Variants in BRCC3 observed in about 807,000 individuals in gnomAD.
BRCC3 encodes BRCA1/BRCA2-containing complex subunit 3.
A neutral mutation model predicts 28.0 loss-of-function variants in BRCC3; 15 were observed. The observed-to-expected ratio is 0.54, with a 90% CI of 0.36 to 0.82. BRCC3 has a LOEUF of 0.82. BRCC3 is among the 40% of genes least tolerant of loss of function. BRCC3 has a pLI of 0.01. For missense variants in BRCC3, 109 were observed against 225.9 expected (o/e 0.48, Z 3.32); for synonymous variants, 66 against 80.3 (o/e 0.82, Z 0.95).
intron 7 of BRCC3, among the ~76,000 whole-genome samples, chrX:155,101,108 A>G (rs1490976617): frequency 9.0e-6 from 1 of 110,776 alleles, no homozygotes; most frequent in Non-Finnish European, 1.9e-5. Context: ...CATGTTGCCC[A>G]GGCTGGTCTC....
At chrX:155,074,712 G>T (rs1254246832) in intron 3 of BRCC3, among the ~76,000 whole-genome samples, 1 of 112,204 alleles carries the variant, frequency 8.9e-6, no homozygotes, top group African/African-American at 3.2e-5. Context: ...TGAGTTTTAT[G>T]TCAGTTTGTA....
intron 7 of BRCC3, chrX:155,099,524 A>G (rs1399857716): frequency 2.2e-6 from 2 of 900,705 alleles, no homozygotes; most frequent in Non-Finnish European, 1.5e-6. Context: ...TAAGCTGCCA[A>G]GGAGACTAGG....
At chrX:155,109,699 T>C (rs782004710) in intron 7 of BRCC3, among the ~76,000 whole-genome samples, 5 of 111,853 alleles carry the variant, frequency 4.5e-5, no homozygotes, top group African/African-American at 6.5e-5. Flanking sequence ...ATTTTCTATG[T>C]AAACAGTCAT....
At chrX:155,078,767 T>G (rs1368874669) in intron 5 of BRCC3, 64 bp downstream of exon 5, 1 of 835,205 alleles carries the variant, frequency 1.2e-6, no homozygotes, top group Non-Finnish European at 1.7e-6. Context: ...TCCTTTTCCA[T>G]TACATAGGGT....
chrX:155,115,854 G>A (rs151232804), intron 7 of BRCC3, among the ~76,000 whole-genome samples: 1,350 of 112,231 alleles, frequency 0.012, 11 homozygotes, highest in Non-Finnish European at 0.018. Flanking sequence ...GGGAATACTG[G>A]CTCTGCAGAC....
Position 155,077,283 on chromosome X carries a change from G to C in BRCC3, c.309G>C (p.Glu103Asp). ...AGCAGCTGTCTGCAGCTTCAACAGAGGCAGAGATATCCTTACTGGTCAATA... is the reference window on the plus strand; with the variant it reads ...AGCAGCTGTCTGCAGCTTCAACAGACGCAGAGATATCCTTACTGGTCAATA... ...SPEQLSAASTEAERLAELTGR... is the reference protein window; with the variant it reads ...SPEQLSAASTDAERLAELTGR... Residue 103 changes from glutamate (E) to aspartate (D), a missense_variant, in exon 4 of 11, where the codon GAG (glutamate) becomes GAC (aspartate). Physicochemically the swap from Glu to Asp is conservative, Grantham distance 45. Around this residue, in one of 3 missense-constraint regions of BRCC3, gnomAD observed 58 missense variants for 92.8 expected, o/e 0.63. Transcript: ENST00000330045. The C allele has an allele frequency of 8.5e-7, 1 of 1,180,699 alleles. No homozygotes were observed. The highest frequency in any genetic ancestry group is 1.1e-6 in the Non-Finnish European group (1 of 875,594).
intron 3 of BRCC3, among the ~76,000 whole-genome samples, chrX:155,076,869 T>G (rs1033828470): frequency 1.2e-4 from 14 of 112,153 alleles, no homozygotes; most frequent in African/African-American, 4.5e-4. Flanking sequence ...TGATTTATAT[T>G]CCTTTGTGCA....
At chrX:155,075,609 T>C (rs2074033763) in intron 3 of BRCC3, among the ~76,000 whole-genome samples, 1 of 111,742 alleles carries the variant, frequency 8.9e-6, no homozygotes, top group South Asian at 3.7e-4. Flanking sequence ...TTTGACCGTT[T>C]CCTGTCCACC....
chrX:155,087,413 G>C (rs2074140206), intron 5 of BRCC3, among the ~76,000 whole-genome samples: 1 of 111,993 alleles, frequency 8.9e-6, no homozygotes, highest in Admixed American at 9.4e-5. Flanking sequence ...CGCCAGGGTG[G>C]AGGTACTGAG....
intron 5 of BRCC3, among the ~76,000 whole-genome samples, chrX:155,081,186 A>G (rs982629283): frequency 1.3e-4 from 14 of 110,087 alleles, no homozygotes; most frequent in African/African-American, 3.6e-4. Flanking sequence ...TAAAAATTAG[A>G]CAGGCATGGT....
At chrX:155,106,713 A>G (rs1409348283) in intron 7 of BRCC3, among the ~76,000 whole-genome samples, 2 of 112,267 alleles carry the variant, frequency 1.8e-5, no homozygotes, top group Non-Finnish European at 3.8e-5. Context: ...GTTTTCTTTC[A>G]CTGTCTAGGC....
chrX:155,116,607 T>C, intron 8 of BRCC3, 104 bp from the exon 9 acceptor site: 1 of 450,400 alleles, frequency 2.2e-6, no homozygotes, highest in Non-Finnish European at 3.8e-6. Flanking sequence ...GGGATTTAAA[T>C]ACTACATATT....
chrX:155,087,867 G>GATA (rs782304565), intron 5 of BRCC3, among the ~76,000 whole-genome samples: 4 of 112,137 alleles, frequency 3.6e-5, no homozygotes, highest in South Asian at 7.5e-4. Flanking sequence ...AGTGGTTGTA[G>GATA]ATAAAATTGA....
At chrX:155,101,563 T>C (rs1243325326) in intron 7 of BRCC3, among the ~76,000 whole-genome samples, 8 of 112,422 alleles carry the variant, frequency 7.1e-5, no homozygotes, top group African/African-American at 2.6e-4. Flanking sequence ...TATTTATTTA[T>C]ATTAATGTGA....
chrX:155,119,215 G>A (rs1456897866), intron 9 of BRCC3, among the ~76,000 whole-genome samples: 2 of 112,072 alleles, frequency 1.8e-5, no homozygotes, highest in African/African-American at 6.5e-5. Context: ...GAGGATGTGA[G>A]GGAAGTGAAC....
intron 5 of BRCC3, among the ~76,000 whole-genome samples, chrX:155,085,887 CTT>C (rs1557294764): frequency 8.1e-5 from 9 of 111,664 alleles, no homozygotes; most frequent in African/African-American, 2.9e-4. Flanking sequence ...CCCAGGACTG[CTT>C]TGCCATGACA....
chrX:155,119,310 T>G (rs1557299157), intron 9 of BRCC3, among the ~76,000 whole-genome samples: 2 of 111,727 alleles, frequency 1.8e-5, no homozygotes, highest in Non-Finnish European at 1.9e-5. Flanking sequence ...TACTTAGATT[T>G]TAAAGTCTTT....
At chrX:155,088,640 A>G (rs1221147435) in intron 5 of BRCC3, among the ~76,000 whole-genome samples, 2 of 111,745 alleles carry the variant, frequency 1.8e-5, no homozygotes, top group Admixed American at 1.9e-4. Context: ...GGCAAGAGCC[A>G]CCACGCCTGG....
chrX:155,077,711 A>G (rs1275180303), intron 4 of BRCC3, among the ~76,000 whole-genome samples: 3 of 112,085 alleles, frequency 2.7e-5, no homozygotes, highest in Non-Finnish European at 5.6e-5. Flanking sequence ...TGGGAACTGA[A>G]TGCAGTGTTT....
Sources: allele counts gnomAD v4.1 joint callset (sites outside exome capture counted in the v4.1 genomes callset), GRCh38; gene constraint gnomAD v4.1.1; regional missense constraint gnomAD v4.1.1; transcripts MANE v1.5; gene names NCBI Gene and HGNC (gene_info 2026-07-23, HGNC 2026-07-21).